ALOX5: variants seen among roughly 807,000 people sequenced by gnomAD.
ALOX5 encodes the protein arachidonate 5-lipoxygenase.
ALOX5 carries 64 observed loss-of-function variants against 87.9 expected under a neutral mutation model. The observed-to-expected ratio is 0.73, with a 90% CI of 0.60 to 0.90. The LOEUF is 0.90. ALOX5 is among the 40% of genes least tolerant of loss of function. The probability of loss-of-function intolerance (pLI) is 0.00; values close to 1 mark genes in which losing one functional copy is unlikely to be tolerated. For missense variants in ALOX5, 822 were observed against 907.5 expected (o/e 0.91, Z 1.21); for synonymous variants, 388 against 355.1 (o/e 1.09, Z -1.04).
At chr10:45,443,689 C>T in intron 11 of ALOX5, 39 bp from the exon 12 acceptor site, 1 of 1,598,908 alleles carries the variant, frequency 6.3e-7, no homozygotes, top group Non-Finnish European at 8.5e-7. Context: ...CTGGGGTCCT[C>T]AGGGACTGGG....
Position 45,424,929 on chromosome 10 carries a change from C to T in ALOX5, c.662-31C>T, listed in dbSNP as rs367872113. ...GGCCCTGGCTGCCCTCTACTCAGAGCTCAGGGTGGGCCTCGCTTTTCTCCT... is the reference window on the plus strand; with the variant it reads ...GGCCCTGGCTGCCCTCTACTCAGAGTTCAGGGTGGGCCTCGCTTTTCTCCT... On this transcript the variant is annotated intron_variant, in intron 5 of 13. Transcript: ENST00000374391. 3 of 1,612,472 alleles carry T rather than the reference C, an allele frequency of 1.9e-6. No individual in the cohort carries two copies. The African/African-American group carries it at 4.0e-5, about 21-fold the overall frequency.
chr10:45,376,798 T>G (rs1017382509), intron 1 of ALOX5, among the ~76,000 whole-genome samples: 1 of 152,156 alleles, frequency 6.6e-6, no homozygotes, highest in Non-Finnish European at 1.5e-5. Context: ...GAGTTCCGCA[T>G]AGTGATTCAG....
intron 2 of ALOX5, 103 bp downstream of exon 2, chr10:45,382,784 G>C (rs563101015): frequency 1.4e-6 from 2 of 1,384,102 alleles, no homozygotes; most frequent in South Asian, 2.6e-5. Context: ...TGCTGTGCAG[G>C]GGCGGGAAGT....
intron 1 of ALOX5, among the ~76,000 whole-genome samples, chr10:45,380,067 C>T (rs1481830535): frequency 6.6e-6 from 1 of 152,220 alleles, no homozygotes; most frequent in Non-Finnish European, 1.5e-5. Flanking sequence ...CAGATGGGCC[C>T]GAGCCCCTGA....
intron 9 of ALOX5, chr10:45,442,829 G>C: frequency 1.7e-6 from 1 of 580,632 alleles, no homozygotes; most frequent in Non-Finnish European, 3.0e-6. Context: ...CCTTGCATTG[G>C]ATTGGGCGGG....
chr10:45,387,360 C>T (rs1468602052), intron 2 of ALOX5, among the ~76,000 whole-genome samples: 2 of 152,312 alleles, frequency 1.3e-5, no homozygotes, highest in Non-Finnish European at 2.9e-5. Flanking sequence ...AACATAAGAG[C>T]TGTGAGAACT....
At chr10:45,421,026 G>T (rs1337108397) in intron 4 of ALOX5, among the ~76,000 whole-genome samples, 2 of 152,230 alleles carry the variant, frequency 1.3e-5, no homozygotes, top group Non-Finnish European at 2.9e-5. Flanking sequence ...AGAAAGCTAG[G>T]TCACTGCCCC....
intron 3 of ALOX5, among the ~76,000 whole-genome samples, chr10:45,409,509 G>GTCTGTC (rs1554793817): frequency 1.7e-4 from 22 of 129,908 alleles, no homozygotes; most frequent in East Asian, 1.4e-3. Flanking sequence ...CTGTCTGTCT[G>GTCTGTC]TCTCTCTCTC....
At chr10:45,403,247 C>A (rs1185125719) in intron 3 of ALOX5, among the ~76,000 whole-genome samples, 1 of 152,122 alleles carries the variant, frequency 6.6e-6, no homozygotes, top group Non-Finnish European at 1.5e-5. Flanking sequence ...GTAGAACAGA[C>A]AAATTGTCAA....
chr10:45,407,377 G>A (rs1157010044), intron 3 of ALOX5, among the ~76,000 whole-genome samples: 5 of 149,870 alleles, frequency 3.3e-5, no homozygotes, highest in African/African-American at 1.3e-4. Context: ...TATATACCTA[G>A]GTGTATCTTT....
chr10:45,442,368 C>T (rs963792355), intron 9 of ALOX5, among the ~76,000 whole-genome samples: 1 of 152,234 alleles, frequency 6.6e-6, no homozygotes, highest in Admixed American at 6.5e-5. Flanking sequence ...TCTGGTTGGT[C>T]CTGCTTGGGC....
chr10:45,408,969 C>T (rs1376896862), intron 3 of ALOX5, among the ~76,000 whole-genome samples: 1 of 152,146 alleles, frequency 6.6e-6, no homozygotes, highest in Non-Finnish European at 1.5e-5. Context: ...AACTTTTCTC[C>T]TTACATATTT....
chr10:45,395,271 C>T (rs1840454616), intron 2 of ALOX5, among the ~76,000 whole-genome samples: 1 of 152,178 alleles, frequency 6.6e-6, no homozygotes, highest in Non-Finnish European at 1.5e-5. Context: ...GAATACTATG[C>T]AGCCATAAAA....
chr10:45,377,118 A>G (rs1179461243), intron 1 of ALOX5, among the ~76,000 whole-genome samples: 1 of 152,190 alleles, frequency 6.6e-6, no homozygotes, highest in East Asian at 1.9e-4. Context: ...TGTTTAATAT[A>G]TGATACTTGA....
chr10:45,381,356 A>G (rs1425237510), intron 1 of ALOX5, among the ~76,000 whole-genome samples: 3 of 152,246 alleles, frequency 2.0e-5, no homozygotes, highest in Admixed American at 6.5e-5. Context: ...AGCTCCCTGT[A>G]TCTAAGCCTC....
intron 4 of ALOX5, among the ~76,000 whole-genome samples, chr10:45,419,308 G>A (rs1162249817): frequency 6.6e-6 from 1 of 152,250 alleles, no homozygotes; most frequent in African/African-American, 2.4e-5. Flanking sequence ...ACCCGGCCGG[G>A]GGGGTCATTT....
chr10:45,390,146 C>T (rs184962860), intron 2 of ALOX5, among the ~76,000 whole-genome samples: 6 of 152,264 alleles, frequency 3.9e-5, no homozygotes, highest in Admixed American at 6.5e-5. Context: ...GCTAACTATC[C>T]GAAACGTATA....
chr10:45,423,828 C>G (rs193238520), intron 4 of ALOX5, among the ~76,000 whole-genome samples: 2 of 152,260 alleles, frequency 1.3e-5, no homozygotes, highest in African/African-American at 4.8e-5. Context: ...CTGGAGGGTA[C>G]TGGCCTGTCT....
At chr10:45,444,091 C>T (rs760103199) in intron 12 of ALOX5, 25 bp from the exon 13 acceptor site, 103 of 1,510,966 alleles carry the variant, frequency 6.8e-5, no homozygotes, top group Non-Finnish European at 8.9e-5. Flanking sequence ...GGGGTGCCCA[C>T]GCTTGCTGGC....
Sources: gnomAD v4.1 joint callset for allele counts (sites outside exome capture counted in the v4.1 genomes callset) on GRCh38, gnomAD v4.1.1 for gene constraint, MANE v1.5 for transcripts, NCBI Gene and HGNC (gene_info 2026-07-23, HGNC 2026-07-21) for gene names.